DGKH: variants seen among roughly 807,000 people sequenced by gnomAD.
The protein encoded by DGKH is diacylglycerol kinase eta.
A neutral mutation model predicts 159.3 loss-of-function variants in DGKH; 90 were observed. The observed-to-expected ratio is 0.57, with a 90% CI of 0.48 to 0.67. The LOEUF (loss-of-function observed/expected upper bound fraction) is 0.67, where lower values mean the gene tolerates loss of function less well. Among genes scored for constraint, DGKH ranks in the 30% least tolerant of loss-of-function variants. The pLI is 0.00. For missense variants in DGKH, 1,181 were observed against 1,506.1 expected (o/e 0.78, Z 3.57); for synonymous variants, 536 against 553.8 (o/e 0.97, Z 0.45).
At chr13:42,225,313 C>G in intron 29 of DGKH, 1 of 1,583,944 alleles carries the variant, frequency 6.3e-7, no homozygotes, top group Non-Finnish European at 8.5e-7. Flanking sequence ...AAAAAAGAGA[C>G]ACCAAAGAAA....
intron 1 of DGKH, among the ~76,000 whole-genome samples, chr13:42,086,984 A>C (rs890315627): frequency 6.6e-6 from 1 of 151,624 alleles, no homozygotes; most frequent in Non-Finnish European, 1.5e-5. Flanking sequence ...GTCTGTGGCC[A>C]AGAACTATTC....
intron 29 of DGKH, among the ~76,000 whole-genome samples, chr13:42,228,715 GAAAGAAAA>G (rs1958210416): frequency 6.9e-6 from 1 of 145,926 alleles, no homozygotes; most frequent in African/African-American, 2.5e-5. Context: ...AAGAAAGAAA[GAAAGAAAA>G]GAAAGAAAGA....
chr13:42,192,881 A>G (rs1005289311), intron 16 of DGKH, among the ~76,000 whole-genome samples: 1 of 152,126 alleles, frequency 6.6e-6, no homozygotes, highest in Non-Finnish European at 1.5e-5. Flanking sequence ...AATTCTTCAG[A>G]TATTTTCTGT....
At chr13:42,069,521 A>C in intron 1 of DGKH, 1 of 1,595,142 alleles carries the variant, frequency 6.3e-7, no homozygotes, top group Non-Finnish European at 8.6e-7. Context: ...TGAAAATCAA[A>C]TCCCTGATTC....
At chr13:42,051,177 A>G (rs561525093) in intron 1 of DGKH, among the ~76,000 whole-genome samples, 5 of 152,370 alleles carry the variant, frequency 3.3e-5, no homozygotes, top group African/African-American at 1.2e-4. Flanking sequence ...ACATTTTGCC[A>G]TGAGAGATCA....
At chr13:42,177,437 T>C (rs143654381) in intron 12 of DGKH, among the ~76,000 whole-genome samples, 198 of 152,366 alleles carry the variant, frequency 1.3e-3, no homozygotes, top group African/African-American at 4.6e-3. Context: ...TACTATTAGA[T>C]GAATGCTGCT....
At position 42,187,163 on chromosome 13, in the gene DGKH, T is replaced by C. The variant is rs1007241146; in HGVS notation, c.1638+15T>C. ...TGGCCAGTAAAGTAAGAGGGGACTC[T>C]TCAGGGCATGAGAGTTGTTTATGGA... is the stretch of plus-strand genomic sequence containing the variant. On this transcript the variant is annotated intron_variant, in intron 14 of 29. Coordinates refer to ENST00000337343, the MANE Select transcript of DGKH (RefSeq NM_178009.5). The C allele has an allele frequency of 1.2e-6, 2 of 1,605,472 alleles. No homozygotes were observed. The highest frequency in any genetic ancestry group is 1.1e-5 in the South Asian group (1 of 90,872).
At chr13:42,157,314 A>G (rs903635807) in intron 5 of DGKH, among the ~76,000 whole-genome samples, 2 of 152,194 alleles carry the variant, frequency 1.3e-5, no homozygotes. Flanking sequence ...TGCTGAAAAG[A>G]CACCACATCT....
intron 1 of DGKH, among the ~76,000 whole-genome samples, chr13:42,055,756 A>T (rs1305099729): frequency 6.6e-6 from 1 of 152,242 alleles, no homozygotes; most frequent in African/African-American, 2.4e-5. Context: ...AGACCTTTGA[A>T]AAAGGCCATA....
At chr13:42,206,185 A>G (rs1200695939) in intron 21 of DGKH, 39 bp downstream of exon 21, 1 of 1,271,520 alleles carries the variant, frequency 7.9e-7, no homozygotes, top group South Asian at 2.3e-5. Context: ...CCTCAAAAAT[A>G]ATTATATCAC....
Position 42,168,739 on chromosome 13 carries a change from G to A in DGKH, c.1288G>A (p.Gly430Arg), listed in dbSNP as rs1297128200. ...TGACCTTGCCCGAGTTCTTGGCTGG[G>A]GAGGTTCATATGACGATGACACCCA... ...GNDLARVLGW[G>R]GSYDDDTQLP... is the part of the protein sequence containing the mutation. The change falls in exon 11 of 30, where the codon GGA becomes AGA. Residue 430 changes from glycine to arginine, a missense_variant. By Grantham distance (125) the Gly-to-Arg change is moderately radical. This residue lies in a region of DGKH where 369 missense variants were observed against 519.4 expected (regional missense o/e 0.71). Transcript: ENST00000337343. 6.2e-7 allele frequency: 1 copy of A among 1,613,994 alleles called. No individual in the cohort carries two copies. Among genetic ancestry groups the A allele is most frequent in the Admixed American group, 1.7e-5 (1 of 60,000 alleles).
intron 1 of DGKH, chr13:42,069,463 G>A: frequency 1.3e-6 from 2 of 1,548,170 alleles, no homozygotes; most frequent in Non-Finnish European, 1.8e-6. Context: ...AACAACATCA[G>A]TAGACTCATG....
intron 1 of DGKH, among the ~76,000 whole-genome samples, chr13:42,083,258 T>G (rs755167345): frequency 1.3e-5 from 2 of 152,184 alleles, no homozygotes; most frequent in Non-Finnish European, 2.9e-5. Flanking sequence ...GAGAGAGATT[T>G]GCTTCGTGCT....
chr13:42,174,571 A>G (rs912424807), intron 12 of DGKH, among the ~76,000 whole-genome samples: 3 of 152,204 alleles, frequency 2.0e-5, no homozygotes, highest in Admixed American at 2.0e-4. Flanking sequence ...GTGTTTATTC[A>G]TCTTCTACTT....
intron 1 of DGKH, among the ~76,000 whole-genome samples, chr13:42,050,823 C>T (rs907199785): frequency 6.7e-5 from 10 of 149,322 alleles, no homozygotes; most frequent in South Asian, 4.2e-4. Flanking sequence ...TGCCATTGCA[C>T]TCCAACCTGG....
intron 1 of DGKH, among the ~76,000 whole-genome samples, chr13:42,051,758 C>A (rs954874493): frequency 1.4e-5 from 2 of 138,998 alleles, no homozygotes; most frequent in Non-Finnish European, 3.0e-5. Flanking sequence ...CTCCCAGGTT[C>A]AAGCGATTCT....
intron 7 of DGKH, among the ~76,000 whole-genome samples, chr13:42,164,653 C>T (rs191631083): frequency 2.4e-4 from 37 of 152,240 alleles, no homozygotes; most frequent in African/African-American, 7.0e-4. Flanking sequence ...ATAAGTTATC[C>T]TTGTTTTTGT....
chr13:42,128,919 C>G (rs1955228882), intron 2 of DGKH, among the ~76,000 whole-genome samples: 1 of 152,182 alleles, frequency 6.6e-6, no homozygotes, highest in Non-Finnish European at 1.5e-5. Flanking sequence ...ACCGTTATCC[C>G]TGCCTTGCTG....
chr13:42,041,136 C>A (rs1320979385), intron 1 of DGKH, among the ~76,000 whole-genome samples: 1 of 152,170 alleles, frequency 6.6e-6, no homozygotes, highest in Non-Finnish European at 1.5e-5. Context: ...AGGCTCTCCC[C>A]GAGGAACCGC....
Sources: allele counts gnomAD v4.1 joint callset (sites outside exome capture counted in the v4.1 genomes callset), GRCh38; gene constraint gnomAD v4.1.1; regional missense constraint gnomAD v4.1.1; transcripts MANE v1.5; gene names NCBI Gene and HGNC (gene_info 2026-07-23, HGNC 2026-07-21).